The following TMCC1 variants were observed in gnomAD, a reference collection of about 807,000 sequenced individuals.
TMCC1 encodes transmembrane and coiled-coil domain family 1.
In TMCC1, 15 loss-of-function variants were observed where a neutral mutation model predicts 52.4. The observed-to-expected ratio is 0.29, with a 90% CI of 0.19 to 0.44. The LOEUF is 0.44. Ranked by LOEUF, TMCC1 falls within the 20% of genes least tolerant of loss-of-function variation. The pLI is 1.00. For synonymous variants in TMCC1, 279 were observed against 301.9 expected, an observed-to-expected ratio of 0.92 and a Z score of 0.79; for missense variants, 503 against 806.0, an observed-to-expected ratio of 0.62 and a Z score of 4.55.
chr3:129,755,258 T>C (rs765717740), intron 4 of TMCC1, among the ~76,000 whole-genome samples: 108 of 152,312 alleles, frequency 7.1e-4, no homozygotes, highest in Admixed American at 2.7e-3. Context: ...GCTCATTACC[T>C]GGGTGACAGT....
intron 4 of TMCC1, chr3:129,819,732 C>T (rs1194520133): frequency 1.3e-5 from 2 of 152,030 alleles, no homozygotes; most frequent in Non-Finnish European, 2.9e-5. Flanking sequence ...GTTGATGGAC[C>T]AGTATGACTA....
intron 4 of TMCC1, among the ~76,000 whole-genome samples, chr3:129,768,408 T>C: frequency 6.6e-6 from 1 of 152,190 alleles, no homozygotes; most frequent in East Asian, 1.9e-4. Flanking sequence ...TGCAAGTTTA[T>C]ACAAAAACAA....
At chr3:129,890,547 T>C (rs1429472560) in intron 1 of TMCC1, among the ~76,000 whole-genome samples, 2 of 152,192 alleles carry the variant, frequency 1.3e-5, no homozygotes, top group African/African-American at 4.8e-5. Context: ...AATAGAGGCT[T>C]AACATAAAAA....
At chr3:129,888,252 T>TA (rs746659383) in intron 1 of TMCC1, among the ~76,000 whole-genome samples, 5 of 152,230 alleles carry the variant, frequency 3.3e-5, no homozygotes, top group African/African-American at 4.8e-5. Flanking sequence ...GGTAATGAAT[T>TA]AGAGTTGGAG....
chr3:129,743,674 A>T (rs2051664013), intron 4 of TMCC1, among the ~76,000 whole-genome samples: 1 of 152,180 alleles, frequency 6.6e-6, no homozygotes, highest in South Asian at 2.1e-4. Flanking sequence ...AAGTCTCTTC[A>T]TTCTAAACAA....
intron 4 of TMCC1, among the ~76,000 whole-genome samples, chr3:129,807,989 G>A (rs776762807): frequency 6.6e-6 from 1 of 151,920 alleles, no homozygotes; most frequent in Non-Finnish European, 1.5e-5. Flanking sequence ...CAGACTAGAG[G>A]AAAAGTGAGA....
chr3:129,721,877 A>AAAC (rs57509544), intron 4 of TMCC1, among the ~76,000 whole-genome samples: 19 of 151,368 alleles, frequency 1.3e-4, no homozygotes, highest in Admixed American at 4.6e-4. Context: ...CTCCGTCTCA[A>AAAC]AAACAAACAA....
chr3:129,727,972 G>C (rs2050238267), intron 4 of TMCC1, among the ~76,000 whole-genome samples: 1 of 152,206 alleles, frequency 6.6e-6, no homozygotes, highest in African/African-American at 2.4e-5. Flanking sequence ...GCTGAACTCA[G>C]AGTCAGCAGC....
At chr3:129,875,044 T>C (rs1040220330) in intron 2 of TMCC1, among the ~76,000 whole-genome samples, 9 of 152,134 alleles carry the variant, frequency 5.9e-5, no homozygotes, top group African/African-American at 1.7e-4. Context: ...GTTTTCCATA[T>C]GCCCACACTG....
In TMCC1 at chr3:129,804,424, C is replaced by T. The variant is rs1034319853; in HGVS notation, c.576+23379G>A. 6.6e-5 allele frequency among the ~76,000 whole-genome samples: 10 copies of T among 152,192 alleles called. No homozygotes were observed. The East Asian group carries it at 1.9e-3, about 29-fold the overall frequency. ...TTAGCCAAATCCAAATAATACAAGG[C>T]CTTTTACCTCCATTAGGCCTCCCCT... On this transcript the variant is annotated intron_variant, in intron 4 of 6. Coordinates refer to ENST00000393238, the MANE Select transcript of TMCC1 (RefSeq NM_001017395.5).
chr3:129,827,460 C>T (rs560551509), intron 4 of TMCC1, among the ~76,000 whole-genome samples: 1 of 152,292 alleles, frequency 6.6e-6, no homozygotes, highest in South Asian at 2.1e-4. Context: ...AGAAAGCCAT[C>T]TCCATGTGCA....
At position 129,770,758 on chromosome 3, in the gene TMCC1, T is replaced by C. The variant is rs190049718; in HGVS notation, c.576+57045A>G. 5.9e-5 allele frequency among the ~76,000 whole-genome samples: 9 copies of C among 152,286 alleles called. No homozygotes were observed. The East Asian group carries it at 1.7e-3, about 29-fold the overall frequency. The stretch of plus-strand genomic sequence containing the variant: ...TTAGAGAATCTGGAGAGTGTGGAAA[T>C]TTCCTCATACCCATAGGATGCATAA... On this transcript the variant is annotated intron_variant, in intron 4 of 6. Transcript: ENST00000393238.
intron 4 of TMCC1, among the ~76,000 whole-genome samples, chr3:129,807,008 T>C (rs1026316696): frequency 6.6e-6 from 1 of 152,092 alleles, no homozygotes; most frequent in African/African-American, 2.4e-5. Flanking sequence ...ATAATATGAA[T>C]ACAGCTATAT....
At chr3:129,883,014 C>T (rs750618379) in intron 1 of TMCC1, among the ~76,000 whole-genome samples, 1 of 152,050 alleles carries the variant, frequency 6.6e-6, no homozygotes, top group Non-Finnish European at 1.5e-5. Context: ...ATCAGCCAGG[C>T]GTGGTGGTTT....
rs893029999 is a variant in TMCC1 at position 129,669,595 on chromosome 3, C to T, written c.1511+735G>A. On this transcript the variant is annotated intron_variant, in intron 5 of 6. Coordinates refer to ENST00000393238, the MANE Select transcript of TMCC1 (RefSeq NM_001017395.5). ...GATTACAGGCATGCACCACCACACCCGGCTAATTTTGTATTTTTAGTAGAG... is the reference window on the plus strand; with the variant it reads ...GATTACAGGCATGCACCACCACACCTGGCTAATTTTGTATTTTTAGTAGAG... 3.3e-5 allele frequency among the ~76,000 whole-genome samples: 5 copies of T among 151,984 alleles called. No individual in the cohort carries two copies. The South Asian group carries it at 6.2e-4, about 19-fold the overall frequency.
In TMCC1 at chr3:129,828,548, A is replaced by C. The variant is rs1015682232; in HGVS notation, c.-130-40T>G. 16 of 611,998 alleles carry C rather than the reference A, an allele frequency of 2.6e-5. 1 individual carries two copies. The highest frequency in any genetic ancestry group is 1.0e-4 in the South Asian group (4 of 39,446). The allele number at this position is 611,998 out of a possible 1,614,324, so 37.9% of individuals were successfully genotyped here. On this transcript the variant is annotated intron_variant, in intron 3 of 6. Coordinates refer to ENST00000393238, the MANE Select transcript of TMCC1 (RefSeq NM_001017395.5). This position sits in a 1 kb window ranked among gnomAD's most constrained non-coding sequence, Gnocchi z 4.1. ...AAAAAAACAAAAAAACAAAAAAAAA[A>C]CCTTATATTATAAATCCATGCAGAA...
Position 129,828,073 on chromosome 3 carries a change from C to T in TMCC1, c.306G>A (p.Leu102=), listed in dbSNP as rs1215251889. 2 of 1,614,128 alleles carry T rather than the reference C, an allele frequency of 1.2e-6. No homozygotes were observed. Among genetic ancestry groups the T allele is most frequent in the Admixed American group, 3.3e-5 (2 of 60,008 alleles). The part of the protein sequence containing the change: ...IDGVPTHPTA[L]NRVLQQIRVP... ...CTCGAATCTGCTGCAGGACACGATTCAGAGCTGTGGGGTGGGTGGGGACAC... is the reference window on the plus strand; with the variant it reads ...CTCGAATCTGCTGCAGGACACGATTTAGAGCTGTGGGGTGGGTGGGGACAC... The change falls in exon 4 of 7, where the codon CTG becomes CTA. Residue 102 remains leucine (L), a synonymous_variant. Coordinates refer to ENST00000393238, the MANE Select transcript of TMCC1 (RefSeq NM_001017395.5). The surrounding 1 kb of genome is among the most constrained non-coding windows in gnomAD (Gnocchi z 4.1).
rs936556278 is a variant in TMCC1 at position 129,649,330 on chromosome 3, A to G, written c.*2151T>C. On this transcript the variant is annotated 3_prime_UTR_variant, in exon 7 of 7. Transcript: ENST00000393238. Reference sequence around the variant, plus strand: ...GTGTCCTTTGGCACTCCTGCCTAAAAAGTCACTGCAATATTTTTAGGCAAA... The same window carrying G: ...GTGTCCTTTGGCACTCCTGCCTAAAGAGTCACTGCAATATTTTTAGGCAAA... The G allele has an allele frequency of 6.6e-6, 1 of 152,252 alleles. No individual in the cohort carries two copies. The highest frequency in any genetic ancestry group is 1.5e-5 in the Non-Finnish European group (1 of 68,046). 9.4% of individuals were successfully genotyped at this position (152,252 alleles called of 1,614,324 possible). A position where few individuals can be genotyped will look rare whatever the true frequency, so the allele number is the denominator to read the frequency against.
chr3:129,710,738 C>G (rs903227650), intron 4 of TMCC1, among the ~76,000 whole-genome samples: 3 of 152,202 alleles, frequency 2.0e-5, no homozygotes, highest in Admixed American at 1.3e-4. Flanking sequence ...AGGTCAGCAA[C>G]TACAGAAAGA....
Sources: allele counts gnomAD v4.1 joint callset (sites outside exome capture counted in the v4.1 genomes callset), GRCh38; gene constraint gnomAD v4.1.1; non-coding constraint Gnocchi (gnomAD v3.1); transcripts MANE v1.5; gene names NCBI Gene and HGNC (gene_info 2026-07-23, HGNC 2026-07-21).